The following DNAH10 variants were observed in gnomAD, a reference collection of about 807,000 sequenced individuals.
The protein encoded by DNAH10 is axonemal beta dynein heavy chain 10.
A neutral mutation model predicts 506.6 loss-of-function variants in DNAH10; 348 were observed. That is an observed-to-expected ratio of 0.69 (90% confidence interval 0.63 to 0.75). The LOEUF is 0.75. Among genes scored for constraint, DNAH10 ranks in the 30% least tolerant of loss-of-function variants. The pLI is 0.00. For missense variants in DNAH10, 5,179 were observed against 5,787.1 expected (o/e 0.89, Z 3.41); for synonymous variants, 2,059 against 2,198.6 (o/e 0.94, Z 1.78).
chr12:123,847,308 T>TCATC (rs1950998308), intron 32 of DNAH10, among the ~76,000 whole-genome samples: 1 of 148,924 alleles, frequency 6.7e-6, no homozygotes, highest in African/African-American at 2.5e-5. Context: ...ATCATCTATT[T>TCATC]TATCTATCTA....
In DNAH10 at chr12:123,781,265, A is replaced by G. The variant is rs371848787; in HGVS notation, c.807A>G (p.Ala269=). ...DEFLMNVQKF[A]SNIQRTMQQL... is the part of the protein sequence containing the mutation. Reference sequence around the variant, plus strand: ...TTTTAATGAACGTGCAGAAATTTGCAAGTAATATTCAAAGAACCATGCAGC... The same window carrying G: ...TTTTAATGAACGTGCAGAAATTTGCGAGTAATATTCAAAGAACCATGCAGC... The change falls in exon 6 of 79, where the codon GCA becomes GCG. Residue 269 remains alanine, a synonymous_variant. Transcript: ENST00000673944. The G allele has an allele frequency of 6.2e-7, 1 of 1,613,696 alleles. No homozygotes were observed. Among genetic ancestry groups the G allele is most frequent in the Non-Finnish European group, 8.5e-7 (1 of 1,179,904 alleles).
chr12:123,837,034 G>A (rs1306841981), intron 28 of DNAH10, among the ~76,000 whole-genome samples: 2 of 151,168 alleles, frequency 1.3e-5, no homozygotes, highest in African/African-American at 4.9e-5. Flanking sequence ...TGTATTTTTA[G>A]TAGAGACGGG....
rs1203152895 is a variant in DNAH10 at position 123,914,908 on chromosome 12, C to T, written c.10631C>T (p.Thr3544Ile). ...DELSVQNGIL[T>I]TRASRFPLCI... is the part of the protein sequence containing the mutation. Reference sequence around the variant, plus strand: ...CTCTCCGTTCAGAATGGCATCCTCACCACCCGGGCCAGCCGCTTCCCTCTG... The same window carrying T: ...CTCTCCGTTCAGAATGGCATCCTCATCACCCGGGCCAGCCGCTTCCCTCTG... Residue 3544 changes from threonine to isoleucine, a missense_variant, in exon 62 of 79, where the codon ACC (threonine) becomes ATC (isoleucine). Coordinates refer to ENST00000673944, the MANE Select transcript of DNAH10 (RefSeq NM_001372106.1). The T allele has an allele frequency of 6.2e-7, 1 of 1,613,246 alleles. No individual in the cohort carries two copies.
chr12:123,890,460 T>C (rs1227180107), intron 52 of DNAH10, among the ~76,000 whole-genome samples: 1 of 151,718 alleles, frequency 6.6e-6, no homozygotes, highest in Non-Finnish European at 1.5e-5. Flanking sequence ...AAACACACTT[T>C]TTTTTTTAAG....
chr12:123,900,180 C>A (rs1566071042), intron 56 of DNAH10, among the ~76,000 whole-genome samples: 1 of 152,204 alleles, frequency 6.6e-6, no homozygotes, highest in South Asian at 2.1e-4. Context: ...TGATCAAATG[C>A]CTCATTCCCA....
At position 123,785,358 on chromosome 12, in the gene DNAH10, G is replaced by A. The variant is rs1427714197; in HGVS notation, c.1231-388G>A. ...ATGTGCTTATTGTCAATTTCATATT[G>A]TTGGTGAAATGTCTGTTTTAATCTT... On this transcript the variant is annotated intron_variant, in intron 8 of 78. Transcript: ENST00000673944. This position sits in a 1 kb window ranked among gnomAD's most constrained non-coding sequence, Gnocchi z 4.1. Among the ~76,000 whole-genome samples the A allele has an allele frequency of 6.6e-6, 1 of 152,120 alleles. No individual in the cohort carries two copies. Among genetic ancestry groups the A allele is most frequent in the Admixed American group, 6.5e-5 (1 of 15,274 alleles).
chr12:123,873,635 G>A lies in DNAH10; in HGVS notation c.7863G>A (p.Lys2621=). Residue 2621 remains lysine, a synonymous_variant, in exon 46 of 79, where the codon AAG becomes AAA. Transcript: ENST00000673944. The part of the protein sequence containing the change: ...IQRNLEANVE[K]RTKDTYGPPM... ...GAAATTTAGAAGCAAATGTGGAAAA[G>A]CGAACCAAAGATACTTACGGCCCAC... The A allele has an allele frequency of 6.2e-7, 1 of 1,613,938 alleles. No homozygotes were observed. The highest frequency in any genetic ancestry group is 1.1e-5 in the South Asian group (1 of 91,068).
chr12:123,935,429 A>G lies in DNAH10; in HGVS notation c.13718A>G (p.His4573Arg). The change falls in exon 79 of 79, where the codon CAC becomes CGC. Residue 4573 changes from histidine (H) to arginine (R), a missense_variant. Around this residue, in one of 3 missense-constraint regions of DNAH10, gnomAD observed 4,844 missense variants for 5,430.5 expected, o/e 0.89. Transcript: ENST00000673944. Reference protein sequence around the residue: ...VFEADLFTTRHISHWVLQGVC... With the variant: ...VFEADLFTTRRISHWVLQGVC... The stretch of plus-strand genomic sequence containing the variant: ...GAAGCTGATCTCTTTACCACGAGGC[A>G]CATTTCTCACTGGGTGCTGCAAGGA... 6.2e-7 allele frequency: 1 copy of G among 1,609,606 alleles called. No homozygotes were observed. The highest frequency in any genetic ancestry group is 1.1e-5 in the South Asian group (1 of 90,950).
intron 35 of DNAH10, among the ~76,000 whole-genome samples, chr12:123,851,284 A>G (rs113864492): frequency 6.1e-4 from 80 of 130,842 alleles, no homozygotes; most frequent in African/African-American, 2.3e-3. Context: ...TGTTAGTTCC[A>G]TGTGGGTCTT....
chr12:123,892,380 G>A (rs896445678), intron 52 of DNAH10, among the ~76,000 whole-genome samples: 1 of 152,114 alleles, frequency 6.6e-6, no homozygotes, highest in African/African-American at 2.4e-5. Flanking sequence ...GAACTCACTC[G>A]CGCTCACAAG....
Position 123,793,956 on chromosome 12 carries a change from A to G in DNAH10, c.1830A>G (p.Glu610=). 1 of 1,249,312 alleles carries G rather than the reference A, an allele frequency of 8.0e-7. No homozygotes were observed. Among genetic ancestry groups the G allele is most frequent in the Non-Finnish European group, 1.0e-6 (1 of 963,260 alleles). The allele number at this position is 1,249,312 out of a possible 1,614,324, so 77.4% of individuals were successfully genotyped here. Residue 610 remains glutamate (E), a synonymous_variant, in exon 12 of 79, where the codon GAA becomes GAG. Transcript: ENST00000673944. ...TTTTTTTGCAGGTTATTGAGAAAGA[A>G]GCAAAACATTTTATTGATGAATCTT... ...FKIEVLVIEK[E]AKHFIDESFK... is the part of the protein sequence containing the mutation.
At chr12:123,788,742 A>G (rs1397014511) in intron 10 of DNAH10, among the ~76,000 whole-genome samples, 4 of 152,082 alleles carry the variant, frequency 2.6e-5, no homozygotes, top group Non-Finnish European at 5.9e-5. Context: ...GGCCTGGGCA[A>G]CATAGCAAGA....
chr12:123,855,649 A>T (rs978262417), intron 36 of DNAH10, among the ~76,000 whole-genome samples: 13 of 148,034 alleles, frequency 8.8e-5, no homozygotes, highest in South Asian at 4.2e-4. Flanking sequence ...AAAAAAAAAA[A>T]TAATAATAAA....
At chr12:123,905,062 G>A (rs1020333758) in intron 57 of DNAH10, among the ~76,000 whole-genome samples, 3 of 152,200 alleles carry the variant, frequency 2.0e-5, no homozygotes, top group South Asian at 4.1e-4. Flanking sequence ...GAGAGCAGGG[G>A]ATGCCTGCAA....
chr12:123,910,713 A>G, intron 59 of DNAH10, 41 bp downstream of exon 59: 1 of 1,603,136 alleles, frequency 6.2e-7, no homozygotes, highest in Non-Finnish European at 8.5e-7. Context: ...CTGCCAAGGG[A>G]CCCATTCAGA....
At position 123,784,157 on chromosome 12, in the gene DNAH10, A is replaced by G. The variant is rs754794313; in HGVS notation, c.1210A>G (p.Thr404Ala). 1 of 1,614,158 alleles carries G rather than the reference A, an allele frequency of 6.2e-7. No homozygotes were observed. The highest frequency in any genetic ancestry group is 8.5e-7 in the Non-Finnish European group (1 of 1,180,020). Residue 404 changes from threonine (T) to alanine (A), a missense_variant, in exon 8 of 79, where the codon ACC becomes GCC. This residue lies in a region of DNAH10 where 4,844 missense variants were observed against 5,430.5 expected (regional missense o/e 0.89). Coordinates refer to ENST00000673944, the MANE Select transcript of DNAH10 (RefSeq NM_001372106.1). ...CTCAGACAATGTGCGCTTTCTCTCC[A>G]CCGTGGAGCGTTATTTCAAGGTATG... ...EASDNVRFLSTVERYFKNITH... is the reference protein window; with the variant it reads ...EASDNVRFLSAVERYFKNITH...
chr12:123,909,549 C>T lies in DNAH10; in HGVS notation c.9997+107C>T, dbSNP rs1241249447. The T allele has an allele frequency of 7.4e-7, 1 of 1,357,088 alleles. No homozygotes were observed. Among genetic ancestry groups the T allele is most frequent in the Non-Finnish European group, 9.8e-7 (1 of 1,015,304 alleles). 84.1% of individuals were successfully genotyped at this position (1,357,088 alleles called of 1,614,324 possible). On this transcript the variant is annotated intron_variant, in intron 58 of 78. Transcript: ENST00000673944. This position sits in a 1 kb window ranked among gnomAD's most constrained non-coding sequence, Gnocchi z 5.4. ...GAGGCTTGTCGTGGGCAGGCCCTCC[C>T]CTTCTGGTCAGATGGTATCGGATGG...
intron 28 of DNAH10, among the ~76,000 whole-genome samples, 159 bp downstream of exon 28, chr12:123,835,687 T>G (rs1384283901): frequency 6.6e-6 from 1 of 152,178 alleles, no homozygotes; most frequent in African/African-American, 2.4e-5. Flanking sequence ...TGCAGTGATG[T>G]GATCGTGGCT....
At position 123,886,662 on chromosome 12, in the gene DNAH10, GTTCC is replaced by G. The variant is rs1201624623; in HGVS notation, c.8824-478_8824-475del. ...GTAGGGAACAGAGAGAGATCTCTCA[GTTCC>G]TGGAAATCTGCCATGTTTCTGACAG... On this transcript the variant is annotated intron_variant, in intron 51 of 78. Coordinates refer to ENST00000673944, the MANE Select transcript of DNAH10 (RefSeq NM_001372106.1). Among the ~76,000 whole-genome samples the G allele has an allele frequency of 2.1e-4, 31 of 150,728 alleles. No homozygotes were observed. In the East Asian group the frequency reaches 3.3e-3, roughly 16 times the overall value.
Sources: gnomAD v4.1 joint callset for allele counts (sites outside exome capture counted in the v4.1 genomes callset) on GRCh38, gnomAD v4.1.1 for gene constraint, gnomAD v4.1.1 regional missense constraint, Gnocchi (gnomAD v3.1) non-coding constraint, MANE v1.5 for transcripts, NCBI Gene and HGNC (gene_info 2026-07-23, HGNC 2026-07-21) for gene names.